ADAMTSL3: variants seen among roughly 807,000 people sequenced by gnomAD.
ADAMTSL3 encodes ADAMTS-like protein 3.
In ADAMTSL3, 128 loss-of-function variants were observed where a neutral mutation model predicts 201.7. The observed-to-expected ratio is 0.63, with a 90% CI of 0.55 to 0.73. ADAMTSL3 has a LOEUF of 0.73. ADAMTSL3 is among the 30% of genes least tolerant of loss of function. The probability of loss-of-function intolerance (pLI) is 0.00; values close to 1 mark genes in which losing one functional copy is unlikely to be tolerated. For synonymous variants in ADAMTSL3, 738 were observed against 748.4 expected, an observed-to-expected ratio of 0.99 and a Z score of 0.23; for missense variants, 1,990 against 2,119.6, an observed-to-expected ratio of 0.94 and a Z score of 1.20.
At chr15:84,032,123 G>A (rs559569414) in intron 28 of ADAMTSL3, among the ~76,000 whole-genome samples, 47 of 152,296 alleles carry the variant, frequency 3.1e-4, no homozygotes, top group African/African-American at 1.1e-3. Flanking sequence ...CACTTACTGT[G>A]TGACCCTGGA....
chr15:83,793,758 T>C (rs1388914494), intron 4 of ADAMTSL3, among the ~76,000 whole-genome samples: 1 of 152,166 alleles, frequency 6.6e-6, no homozygotes, highest in East Asian at 1.9e-4. Flanking sequence ...ATTATGGGTA[T>C]GTATCTGTTG....
chr15:83,967,122 A>T (rs2067104017), intron 19 of ADAMTSL3, among the ~76,000 whole-genome samples: 1 of 152,232 alleles, frequency 6.6e-6, no homozygotes, highest in Non-Finnish European at 1.5e-5. Context: ...CTGGCACAGG[A>T]CAAGGATGCC....
intron 23 of ADAMTSL3, among the ~76,000 whole-genome samples, chr15:84,014,036 T>C (rs2068047114): frequency 6.6e-6 from 1 of 152,208 alleles, no homozygotes; most frequent in East Asian, 1.9e-4. Flanking sequence ...ATGAACTCTG[T>C]TTCCCTGGAT....
intron 20 of ADAMTSL3, among the ~76,000 whole-genome samples, chr15:83,970,891 T>C (rs1057208561): frequency 6.6e-6 from 1 of 152,266 alleles, no homozygotes; most frequent in African/African-American, 2.4e-5. Flanking sequence ...ATTTATGTCC[T>C]CTACTTTACC....
chr15:83,747,549 C>T (rs1321979924), intron 3 of ADAMTSL3, among the ~76,000 whole-genome samples: 1 of 152,098 alleles, frequency 6.6e-6, no homozygotes, highest in African/African-American at 2.4e-5. Flanking sequence ...GTGGAAGTGA[C>T]CCTGTGCCCT....
chr15:83,718,143 C>T (rs2062044827), intron 3 of ADAMTSL3, among the ~76,000 whole-genome samples: 1 of 152,100 alleles, frequency 6.6e-6, no homozygotes, highest in African/African-American at 2.4e-5. Context: ...GATCCCTTCA[C>T]TGAAAAGGCA....
At chr15:83,671,999 C>T (rs1270507841) in intron 2 of ADAMTSL3, among the ~76,000 whole-genome samples, 2 of 152,196 alleles carry the variant, frequency 1.3e-5, no homozygotes, top group Non-Finnish European at 2.9e-5. Flanking sequence ...ACAAGCATTT[C>T]TCTTTATTAC....
At chr15:83,742,541 A>T (rs976754044) in intron 3 of ADAMTSL3, among the ~76,000 whole-genome samples, 1 of 152,256 alleles carries the variant, frequency 6.6e-6, no homozygotes, top group African/African-American at 2.4e-5. Context: ...TGGGAACAAC[A>T]GTAACAAAAT....
At chr15:83,962,356 C>T (rs1211472986) in intron 19 of ADAMTSL3, 1 of 152,152 alleles carries the variant, frequency 6.6e-6, no homozygotes, top group Non-Finnish European at 1.5e-5. Flanking sequence ...CCTCATCCTT[C>T]TTAGTAGCAA....
At chr15:83,823,932 TTCTTCTTCTTCTTCTTCTTCTTCTTC>T (rs2063945366) in intron 6 of ADAMTSL3, among the ~76,000 whole-genome samples, 1 of 115,654 alleles carries the variant, frequency 8.6e-6, no homozygotes, top group Non-Finnish European at 1.9e-5. Flanking sequence ...CTTCTTCTTC[TTCTTCTTCTTCTTCTTCTTCTTCTTC>T]TTCTTCTTCT....
intron 6 of ADAMTSL3, among the ~76,000 whole-genome samples, chr15:83,828,723 G>A (rs1326992492): frequency 6.6e-6 from 1 of 152,122 alleles, no homozygotes; most frequent in Non-Finnish European, 1.5e-5. Context: ...TTTATTGAGA[G>A]TTTTTAGCAT....
chr15:83,689,153 C>T (rs764822455), intron 2 of ADAMTSL3, among the ~76,000 whole-genome samples: 2 of 152,052 alleles, frequency 1.3e-5, no homozygotes, highest in Non-Finnish European at 2.9e-5. Context: ...AATGTATATA[C>T]AAAAGAATTC....
chr15:83,936,500 T>A lies in ADAMTSL3; in HGVS notation c.2118-6096T>A, dbSNP rs140675461. Among the ~76,000 whole-genome samples the A allele has an allele frequency of 1.3e-5, 2 of 151,006 alleles. 1 individual carries two copies. The highest frequency in any genetic ancestry group is 4.9e-5 in the African/African-American group (2 of 40,470). ...CCTTTCATCTTGATCAATAAAAGGA[T>A]AGACATACTGAACAACTGTAGACTT... On this transcript the variant is annotated intron_variant, in intron 17 of 29. Transcript: ENST00000286744.
intron 4 of ADAMTSL3, among the ~76,000 whole-genome samples, chr15:83,783,997 G>T (rs866017527): frequency 6.6e-6 from 1 of 152,084 alleles, no homozygotes; most frequent in Admixed American, 6.6e-5. Context: ...TGCTGCTTTA[G>T]ACCTATTGCA....
intron 3 of ADAMTSL3, among the ~76,000 whole-genome samples, chr15:83,769,353 C>G (rs780911785): frequency 6.6e-6 from 1 of 152,038 alleles, no homozygotes. Flanking sequence ...TTGGACTTAC[C>G]CAACCTAAAA....
chr15:83,752,688 GA>G (rs1273292384), intron 3 of ADAMTSL3, among the ~76,000 whole-genome samples: 5 of 152,196 alleles, frequency 3.3e-5, no homozygotes, highest in Non-Finnish European at 7.4e-5. Context: ...ACAAGTGCTT[GA>G]AATGTGGCTA....
chr15:83,783,685 C>T (rs1466319111), intron 4 of ADAMTSL3, among the ~76,000 whole-genome samples: 1 of 151,016 alleles, frequency 6.6e-6, no homozygotes, highest in East Asian at 1.9e-4. Flanking sequence ...CATGGGGATA[C>T]ATCTAAATTC....
intron 19 of ADAMTSL3, among the ~76,000 whole-genome samples, chr15:83,957,821 A>G (rs937459841): frequency 6.6e-6 from 1 of 152,232 alleles, no homozygotes; most frequent in Non-Finnish European, 1.5e-5. Context: ...TGCGTGAATC[A>G]TCAACACATA....
chr15:83,839,803 G>C (rs944255442), intron 7 of ADAMTSL3, among the ~76,000 whole-genome samples: 2 of 152,140 alleles, frequency 1.3e-5, no homozygotes, highest in African/African-American at 4.8e-5. Flanking sequence ...CGGTGGACAT[G>C]TTTGCTATTC....
Sources: allele counts gnomAD v4.1 joint callset (sites outside exome capture counted in the v4.1 genomes callset), GRCh38; gene constraint gnomAD v4.1.1; transcripts MANE v1.5; gene names NCBI Gene and HGNC (gene_info 2026-07-23, HGNC 2026-07-21).